EXOC1: variants seen among roughly 807,000 people sequenced by gnomAD.
EXOC1 encodes exocyst complex component 1.
Under a neutral mutation model 107.7 loss-of-function variants are expected in EXOC1, and 67 were observed. The ratio of observed to expected loss-of-function variants is 0.62; its 90% CI spans 0.51 to 0.76. The LOEUF (loss-of-function observed/expected upper bound fraction) is 0.76. Among genes scored for constraint, EXOC1 ranks in the 30% least tolerant of loss-of-function variants. The probability of loss-of-function intolerance (pLI) is 0.00; values close to 1 mark genes in which losing one functional copy is unlikely to be tolerated. For missense variants in EXOC1, 833 were observed against 1,055.7 expected, an observed-to-expected ratio of 0.79 and a Z score of 2.92; for synonymous variants, 348 against 353.5, an observed-to-expected ratio of 0.98 and a Z score of 0.17.
At chr4:55,891,450 T>C (rs1724536800) in intron 13 of EXOC1, 28 bp downstream of exon 13, 2 of 1,420,224 alleles carry the variant, frequency 1.4e-6, no homozygotes, top group Non-Finnish European at 2.0e-6. Context: ...TTTTGGATAG[T>C]ATTTATGATC....
At chr4:55,860,765 G>A (rs996721909) in intron 3 of EXOC1, among the ~76,000 whole-genome samples, 1 of 151,988 alleles carries the variant, frequency 6.6e-6, no homozygotes, top group Non-Finnish European at 1.5e-5. Context: ...AGTATAATTT[G>A]TATAAAATCT....
chr4:55,890,357 G>A lies in EXOC1; in HGVS notation c.1510G>A (p.Asp504Asn), dbSNP rs759005498. 3 of 1,613,904 alleles carry A rather than the reference G, an allele frequency of 1.9e-6. No homozygotes were observed. The highest frequency in any genetic ancestry group is 1.3e-5 in the African/African-American group (1 of 75,010). Reference sequence around the variant, plus strand: ...GGGAAACATGTCTGCCTCTGATCTCGATGTTGCTGACAGGACCAAATTTGA... The same window carrying A: ...GGGAAACATGTCTGCCTCTGATCTCAATGTTGCTGACAGGACCAAATTTGA... ...DMGNMSASDL[D>N]VADRTKFDKI... The change falls in exon 12 of 19, where the codon GAT becomes AAT. Residue 504 changes from aspartate to asparagine, a missense_variant. Asp to Asn is a conservative substitution (Grantham distance 23, BLOSUM62 1). This residue lies in a region of EXOC1 where 617 missense variants were observed against 701.3 expected (regional missense o/e 0.88). Coordinates refer to ENST00000381295, the MANE Select transcript of EXOC1 (RefSeq NM_001024924.2).
chr4:55,900,947 A>G (rs1028728959), intron 17 of EXOC1, among the ~76,000 whole-genome samples: 2 of 152,234 alleles, frequency 1.3e-5, no homozygotes, highest in East Asian at 1.9e-4. Flanking sequence ...AAGACATTTA[A>G]TCAAATGCAG....
chr4:55,856,846 C>T (rs963190529), intron 1 of EXOC1, among the ~76,000 whole-genome samples: 2 of 151,910 alleles, frequency 1.3e-5, no homozygotes, highest in African/African-American at 2.4e-5. Context: ...TAAAATTTAC[C>T]CTTTTCAATT....
chr4:55,872,365 A>G (rs1722521081), intron 8 of EXOC1, among the ~76,000 whole-genome samples: 1 of 144,006 alleles, frequency 6.9e-6, no homozygotes, highest in Non-Finnish European at 1.5e-5. Flanking sequence ...CTATGTACTT[A>G]GTACATAGTA....
At chr4:55,890,089 T>G (rs562626116) in intron 11 of EXOC1, 134 bp from the exon 12 acceptor site, 1 of 754,228 alleles carries the variant, frequency 1.3e-6, no homozygotes, top group East Asian at 2.7e-5. Flanking sequence ...CTATCCCTTA[T>G]AGAAGATTTG....
intron 8 of EXOC1, among the ~76,000 whole-genome samples, chr4:55,875,281 T>C (rs575092889): frequency 1.3e-5 from 2 of 152,282 alleles, no homozygotes; most frequent in South Asian, 4.1e-4. Context: ...TAAACACGGA[T>C]TGATGATCTC....
At chr4:55,880,637 CT>C (rs1723301559) in intron 9 of EXOC1, among the ~76,000 whole-genome samples, 1 of 152,132 alleles carries the variant, frequency 6.6e-6, no homozygotes, top group Non-Finnish European at 1.5e-5. Context: ...AATCAATAAG[CT>C]TTTTGCCTAA....
intron 8 of EXOC1, chr4:55,876,317 A>G (rs1037023590): frequency 3.0e-6 from 3 of 984,864 alleles, no homozygotes; most frequent in South Asian, 4.7e-5. Context: ...ACATAGGTCT[A>G]CGCTCCGTTA....
chr4:55,896,510 A>G (rs914493007), intron 15 of EXOC1, among the ~76,000 whole-genome samples: 6 of 152,170 alleles, frequency 3.9e-5, no homozygotes, highest in African/African-American at 1.4e-4. Context: ...TGGTTTTATT[A>G]TCTATAGAAT....
At position 55,904,614 on chromosome 4, in the gene EXOC1, T is replaced by A. The variant is rs373787763; in HGVS notation, c.*119T>A. Reference sequence around the variant, plus strand: ...TTAAAATTTTATGTATTATTAAATGTTAGATAAATGGGTAGTACCATACTA... The same window carrying A: ...TTAAAATTTTATGTATTATTAAATGATAGATAAATGGGTAGTACCATACTA... On this transcript the variant is annotated 3_prime_UTR_variant, in exon 19 of 19. Transcript: ENST00000381295. The A allele has an allele frequency of 2.6e-5, 26 of 1,017,132 alleles. No homozygotes were observed. The highest frequency in any genetic ancestry group is 5.5e-4 in the Middle Eastern group (2 of 3,606). 63.0% of individuals were successfully genotyped at this position (1,017,132 alleles called of 1,614,324 possible).
chr4:55,883,740 G>A, intron 9 of EXOC1, 83 bp from the exon 10 acceptor site: 1 of 767,834 alleles, frequency 1.3e-6, no homozygotes, highest in Non-Finnish European at 2.0e-6. Context: ...TTTAAAACAA[G>A]CATGAAGGAC....
intron 8 of EXOC1, chr4:55,872,709 C>G (rs1330910313): frequency 1.4e-6 from 1 of 706,090 alleles, no homozygotes; most frequent in African/African-American, 1.9e-5. Flanking sequence ...TTTCACTTTG[C>G]AATATTCTAA....
intron 1 of EXOC1, among the ~76,000 whole-genome samples, chr4:55,856,613 T>G (rs1024339256): frequency 1.3e-5 from 2 of 152,192 alleles, no homozygotes; most frequent in East Asian, 1.9e-4. Context: ...TAGAAAGAAA[T>G]AGTGTTTTAG....
intron 8 of EXOC1, among the ~76,000 whole-genome samples, chr4:55,873,724 C>T (rs1722651200): frequency 6.6e-6 from 1 of 152,096 alleles, no homozygotes; most frequent in African/African-American, 2.4e-5. Flanking sequence ...AAGAAGATAT[C>T]CCACACATAA....
At chr4:55,886,029 A>G (rs1422560088) in intron 10 of EXOC1, among the ~76,000 whole-genome samples, 1 of 152,172 alleles carries the variant, frequency 6.6e-6, no homozygotes, top group Non-Finnish European at 1.5e-5. Flanking sequence ...ACCATACTTC[A>G]AGTACCCATA....
At chr4:55,871,286 G>A in intron 7 of EXOC1, 53 bp downstream of exon 7, 1 of 1,566,226 alleles carries the variant, frequency 6.4e-7, no homozygotes. Flanking sequence ...GACTAAGCCT[G>A]TAACTTGTTA....
At chr4:55,899,962 A>G in intron 17 of EXOC1, 78 bp downstream of exon 17, 2 of 1,261,122 alleles carry the variant, frequency 1.6e-6, no homozygotes, top group African/African-American at 1.5e-5. Flanking sequence ...ACCTGCAGAC[A>G]TTTATCTTAA....
chr4:55,885,667 A>G (rs1723808473), intron 10 of EXOC1: 3 of 152,198 alleles, frequency 2.0e-5, no homozygotes, highest in Non-Finnish European at 4.4e-5. Flanking sequence ...CTGTGCAAGG[A>G]TGACACACTA....
Sources: allele counts gnomAD v4.1 joint callset (sites outside exome capture counted in the v4.1 genomes callset), GRCh38; gene constraint gnomAD v4.1.1; regional missense constraint gnomAD v4.1.1; transcripts MANE v1.5; gene names NCBI Gene and HGNC (gene_info 2026-07-23, HGNC 2026-07-21).